Variants in TMEM150C observed in about 807,000 individuals in gnomAD.
TMEM150C encodes tentonin 3.
A neutral mutation model predicts 29.9 loss-of-function variants in TMEM150C; 10 were observed. That is an observed-to-expected ratio of 0.33 (90% confidence interval 0.21 to 0.57). The LOEUF (loss-of-function observed/expected upper bound fraction) is 0.57. Among genes scored for constraint, TMEM150C ranks in the 20% least tolerant of loss-of-function variants. The pLI is 0.88. For synonymous variants in TMEM150C, 101 were observed against 112.5 expected, an observed-to-expected ratio of 0.90 and a Z score of 0.64; for missense variants, 251 against 303.6, an observed-to-expected ratio of 0.83 and a Z score of 1.29.
intron 1 of TMEM150C, among the ~76,000 whole-genome samples, chr4:82,541,056 C>A (rs762814731): frequency 1.3e-5 from 2 of 152,024 alleles, no homozygotes; most frequent in Non-Finnish European, 2.9e-5. Context: ...ATGTACCTAC[C>A]TCAAATATTT....
chr4:82,485,248 G>A lies in TMEM150C; in HGVS notation c.*263C>T, dbSNP rs943649376. Reference sequence around the variant, plus strand: ...GAGGAGGGAGTGCTGGGAAGGGGACGGATAAGAAGTGATCATGCACAAGCT... The same window carrying A: ...GAGGAGGGAGTGCTGGGAAGGGGACAGATAAGAAGTGATCATGCACAAGCT... On this transcript the variant is annotated 3_prime_UTR_variant, in exon 8 of 8. Transcript: ENST00000449862. 2.2e-5 allele frequency: 9 copies of A among 400,522 alleles called. No individual in the cohort carries two copies. The highest frequency in any genetic ancestry group is 4.9e-5 in the East Asian group (1 of 20,516). 24.8% of individuals were successfully genotyped at this position (400,522 alleles called of 1,614,324 possible).
At chr4:82,552,079 G>C (rs1385780018) in intron 1 of TMEM150C, among the ~76,000 whole-genome samples, 3 of 151,890 alleles carry the variant, frequency 2.0e-5, no homozygotes, top group Admixed American at 2.0e-4. Context: ...CTCCTCTCTC[G>C]GCATGTGATT....
At chr4:82,491,581 T>G in intron 6 of TMEM150C, 2 of 653,856 alleles carry the variant, frequency 3.1e-6, no homozygotes, top group South Asian at 1.7e-5. Flanking sequence ...TGCTTCTTCA[T>G]GACAGCAGGG....
chr4:82,561,585 T>G (rs967866295), intron 1 of TMEM150C, among the ~76,000 whole-genome samples: 5 of 149,750 alleles, frequency 3.3e-5, no homozygotes, highest in African/African-American at 1.2e-4. Flanking sequence ...GCGGGCGGGC[T>G]GGCTGGCGGC....
chr4:82,542,854 C>A (rs763454059), intron 1 of TMEM150C, among the ~76,000 whole-genome samples: 8 of 152,142 alleles, frequency 5.3e-5, no homozygotes, highest in Non-Finnish European at 1.0e-4. Context: ...GGAATTACCA[C>A]TAGTTAAGAC....
chr4:82,518,447 G>C (rs1724368966), intron 1 of TMEM150C, among the ~76,000 whole-genome samples: 1 of 152,228 alleles, frequency 6.6e-6, no homozygotes, highest in Non-Finnish European at 1.5e-5. Context: ...ACTGGGCTTT[G>C]TCCTGGGCTA....
rs749167564 is a variant in TMEM150C at position 82,485,543 on chromosome 4, C to G, written c.718G>C (p.Glu240Gln). ...NFLSFSESLS[E>Q]ASEYQTDQV ...TGGTCAGTCTGATATTCAGAAGCTT[C>G]TGACAGGCTTTCTGAGAAGCTTAGG... Residue 240 changes from glutamate (E) to glutamine (Q), a missense_variant, in exon 8 of 8, where the codon GAA becomes CAA. Transcript: ENST00000449862. The G allele has an allele frequency of 6.2e-7, 1 of 1,607,526 alleles. No homozygotes were observed. Among genetic ancestry groups the G allele is most frequent in the East Asian group, 2.2e-5 (1 of 44,770 alleles).
At chr4:82,520,492 G>A (rs1051335315) in intron 1 of TMEM150C, among the ~76,000 whole-genome samples, 1 of 152,126 alleles carries the variant, frequency 6.6e-6, no homozygotes, top group Non-Finnish European at 1.5e-5. Flanking sequence ...CATTCAATGT[G>A]CCCAAAATCC....
intron 6 of TMEM150C, chr4:82,495,373 G>T: frequency 4.1e-6 from 1 of 241,362 alleles, no homozygotes; most frequent in South Asian, 4.9e-5. Context: ...CCCGGGAGGC[G>T]GAGGTTGCAG....
chr4:82,561,989 A>G, upstream of TMEM150C: 4 of 1,105,396 alleles, frequency 3.6e-6, no homozygotes, highest in Non-Finnish European at 4.4e-6. Flanking sequence ...AGCGGCGGGT[A>G]GGGCGCTTCC....
chr4:82,526,444 C>T (rs1043366403), intron 1 of TMEM150C, among the ~76,000 whole-genome samples: 6 of 152,148 alleles, frequency 3.9e-5, no homozygotes, highest in African/African-American at 9.7e-5. Flanking sequence ...ATAATAACAA[C>T]AACAATAATA....
At chr4:82,508,482 T>C (rs1298245676) in intron 1 of TMEM150C, among the ~76,000 whole-genome samples, 1 of 151,932 alleles carries the variant, frequency 6.6e-6, no homozygotes, top group African/African-American at 2.4e-5. Flanking sequence ...TTTTTTTTTT[T>C]TGAGATGGGG....
chr4:82,523,234 C>CG (rs886593057), intron 1 of TMEM150C, among the ~76,000 whole-genome samples: 83 of 151,926 alleles, frequency 5.5e-4, no homozygotes, highest in African/African-American at 1.7e-3. Context: ...GGGATGGGGG[C>CG]GGGGGGGTGC....
At chr4:82,522,914 G>A (rs1044662415) in intron 1 of TMEM150C, among the ~76,000 whole-genome samples, 15 of 152,154 alleles carry the variant, frequency 9.9e-5, no homozygotes, top group African/African-American at 2.7e-4. Context: ...ATAGAAACCC[G>A]ACATGGAGAA....
At chr4:82,528,058 A>C (rs1449402870) in intron 1 of TMEM150C, among the ~76,000 whole-genome samples, 1 of 152,230 alleles carries the variant, frequency 6.6e-6, no homozygotes, top group Non-Finnish European at 1.5e-5. Context: ...TTAACCTTAG[A>C]CCTCATAATC....
rs34966322 is a variant in TMEM150C, at chr4:82,484,411, C to CAAAAAAAA, written c.*1092_*1099dup. 1 of 137,620 alleles carries CAAAAAAAA rather than the reference C, an allele frequency of 7.3e-6. No individual in the cohort carries two copies. The allele number at this position is 137,620 out of a possible 1,614,324, so 8.5% of individuals were successfully genotyped here. ...TTCCAAATTTGAAAAGCCCTTAATC[C>CAAAAAAAA]AAAAAAAAAAAAAACCCTACTAAAT... On this transcript the variant is annotated 3_prime_UTR_variant, in exon 8 of 8. Coordinates refer to ENST00000449862, the MANE Select transcript of TMEM150C (RefSeq NM_001080506.3).
At chr4:82,562,221 G>C (rs1425852948), upstream of TMEM150C, 11 of 1,285,192 alleles carry the variant, frequency 8.6e-6, no homozygotes, top group Non-Finnish European at 9.1e-6. Context: ...CTTTGTGGAC[G>C]CGTTTGCCTG....
At chr4:82,502,664 G>C in intron 5 of TMEM150C, 63 bp downstream of exon 5, 1 of 1,493,432 alleles carries the variant, frequency 6.7e-7, no homozygotes, top group East Asian at 2.4e-5. Flanking sequence ...AAGGGTTTGG[G>C]AGAATTTAAA....
At chr4:82,551,889 G>A (rs1230071283) in intron 1 of TMEM150C, among the ~76,000 whole-genome samples, 2 of 152,184 alleles carry the variant, frequency 1.3e-5, no homozygotes, top group Admixed American at 1.3e-4. Context: ...CAAACCTTAT[G>A]TTGAAATTTG....
Sources: gnomAD v4.1 joint callset for allele counts (sites outside exome capture counted in the v4.1 genomes callset) on GRCh38, gnomAD v4.1.1 for gene constraint, MANE v1.5 for transcripts, NCBI Gene and HGNC (gene_info 2026-07-23, HGNC 2026-07-21) for gene names.